The following TANGO6 variants were observed in gnomAD, a reference collection of about 807,000 sequenced individuals.
The protein encoded by TANGO6 is transport and golgi organization 6 homolog, also known as transport and Golgi organization protein 6 homolog.
A neutral mutation model predicts 114.2 loss-of-function variants in TANGO6; 90 were observed. That is an observed-to-expected ratio of 0.79 (90% CI 0.66 to 0.94). The LOEUF (loss-of-function observed/expected upper bound fraction) is 0.94. Among genes scored for constraint, TANGO6 ranks in the 40% least tolerant of loss-of-function variants. The probability of loss-of-function intolerance (pLI) is 0.00; values close to 1 mark genes in which losing one functional copy is unlikely to be tolerated. For synonymous variants in TANGO6, 477 were observed against 509.8 expected, an observed-to-expected ratio of 0.94 and a Z score of 0.87; for missense variants, 1,274 against 1,315.3, an observed-to-expected ratio of 0.97 and a Z score of 0.49.
chr16:69,063,386 G>A (rs1408038549), intron 17 of TANGO6, among the ~76,000 whole-genome samples: 1 of 151,992 alleles, frequency 6.6e-6, no homozygotes, highest in Non-Finnish European at 1.5e-5. Context: ...TTAGCCGGGC[G>A]TGATGGCAGG....
intron 16 of TANGO6, among the ~76,000 whole-genome samples, chr16:69,023,383 G>A (rs1328660041): frequency 6.6e-6 from 1 of 151,988 alleles, no homozygotes; most frequent in African/African-American, 2.4e-5. Flanking sequence ...TTGAACCCAG[G>A]AGGCATAGGT....
chr16:68,855,762 G>A (rs1240350958), intron 1 of TANGO6, among the ~76,000 whole-genome samples: 1 of 151,716 alleles, frequency 6.6e-6, no homozygotes, highest in African/African-American at 2.4e-5. Flanking sequence ...ACGGGTGCCT[G>A]TAATCCCAGC....
intron 11 of TANGO6, among the ~76,000 whole-genome samples, chr16:68,916,463 C>T (rs947309558): frequency 2.6e-5 from 4 of 151,924 alleles, no homozygotes; most frequent in East Asian, 1.9e-4. Flanking sequence ...CTCCCCCTCC[C>T]GCCCCTGCCA....
At chr16:68,894,028 A>G (rs1169312476) in intron 7 of TANGO6, among the ~76,000 whole-genome samples, 1 of 152,094 alleles carries the variant, frequency 6.6e-6, no homozygotes, top group Non-Finnish European at 1.5e-5. Flanking sequence ...CTCAGTCCAT[A>G]CTGTCACCAG....
chr16:69,078,167 C>CT (rs1960415311), intron 17 of TANGO6, among the ~76,000 whole-genome samples: 1 of 152,126 alleles, frequency 6.6e-6, no homozygotes. Flanking sequence ...TTGAGAGGAG[C>CT]TTTGTTCAGG....
At chr16:68,854,476 C>CA (rs1239861146) in intron 1 of TANGO6, among the ~76,000 whole-genome samples, 1 of 151,998 alleles carries the variant, frequency 6.6e-6, no homozygotes, top group South Asian at 2.1e-4. Flanking sequence ...CAAAATAAAA[C>CA]AAAAAACAAG....
intron 16 of TANGO6, among the ~76,000 whole-genome samples, chr16:69,028,269 A>G (rs1215967975): frequency 6.6e-6 from 1 of 151,944 alleles, no homozygotes; most frequent in Non-Finnish European, 1.5e-5. Flanking sequence ...CCCTCCAAAT[A>G]TTATTATTTT....
At chr16:69,048,914 C>G (rs8062856) in intron 17 of TANGO6, among the ~76,000 whole-genome samples, 1 of 151,768 alleles carries the variant, frequency 6.6e-6, no homozygotes, top group Non-Finnish European at 1.5e-5. Flanking sequence ...CTGAGGGAAG[C>G]TGATGAACAG....
chr16:69,051,900 A>G (rs986523949), intron 17 of TANGO6, among the ~76,000 whole-genome samples: 5 of 149,436 alleles, frequency 3.3e-5, no homozygotes, highest in Non-Finnish European at 7.4e-5. Flanking sequence ...GTATGCTTAT[A>G]CTGCTATTTC....
intron 3 of TANGO6, 50 bp downstream of exon 3, chr16:68,863,111 G>T: frequency 8.8e-7 from 1 of 1,138,044 alleles, no homozygotes; most frequent in Non-Finnish European, 1.2e-6. Context: ...GATAATGTGT[G>T]GTTTGCTGTC....
intron 17 of TANGO6, among the ~76,000 whole-genome samples, chr16:69,059,105 T>C (rs138826915): frequency 0.089 from 13,258 of 148,980 alleles, 660 homozygotes; most frequent in South Asian, 0.19. Flanking sequence ...GACGGAGTCT[T>C]GCTCTGTTGC....
intron 14 of TANGO6, among the ~76,000 whole-genome samples, chr16:68,958,221 A>C (rs1329462721): frequency 6.6e-6 from 1 of 151,394 alleles, no homozygotes; most frequent in Non-Finnish European, 1.5e-5. Flanking sequence ...AGCCGGGTGC[A>C]GTCACTCGCG....
In TANGO6 at chr16:69,067,499, C is replaced by G. The variant is rs1484850599; in HGVS notation, c.3109-15986C>G. 8.1e-5 allele frequency among the ~76,000 whole-genome samples: 9 copies of G among 110,530 alleles called. 1 individual carries two copies. The highest frequency in any genetic ancestry group is 1.5e-4 in the Non-Finnish European group (9 of 58,376). 72.5% of individuals were successfully genotyped at this position (110,530 alleles called of 152,430 possible). On this transcript the variant is annotated intron_variant, in intron 17 of 17. Transcript: ENST00000261778. ...CGCCACTGAACTCCAGCCTAGGCAA[C>G]AAGAGCAAAACTCCATCTCAAAAAA...
intron 17 of TANGO6, among the ~76,000 whole-genome samples, chr16:69,045,443 CAA>C (rs1389960740): frequency 1.3e-4 from 7 of 53,976 alleles, no homozygotes; most frequent in Non-Finnish European, 1.5e-4. Flanking sequence ...GACTCCATCT[CAA>C]AAAAAAAAAA....
intron 15 of TANGO6, among the ~76,000 whole-genome samples, chr16:68,983,253 C>T (rs1386022811): frequency 6.6e-6 from 1 of 152,176 alleles, no homozygotes; most frequent in East Asian, 1.9e-4. Flanking sequence ...CATAGTAACA[C>T]CCAAATACTC....
chr16:68,916,070 T>C (rs1962999724), intron 11 of TANGO6, among the ~76,000 whole-genome samples: 1 of 152,198 alleles, frequency 6.6e-6, no homozygotes, highest in Non-Finnish European at 1.5e-5. Flanking sequence ...GCTGACCAAA[T>C]TAATTCTATT....
chr16:69,063,802 CTTCTTCTTATTATTATTA>C (rs1836894579), intron 17 of TANGO6, among the ~76,000 whole-genome samples: 1 of 124,436 alleles, frequency 8.0e-6, no homozygotes, highest in African/African-American at 3.6e-5. Flanking sequence ...TCTTCTTCTT[CTTCTTCTTATTATTATTA>C]TTATTATTAT....
chr16:68,859,849 T>C (rs1000098307), intron 1 of TANGO6, 35 bp from the exon 2 acceptor site: 4 of 1,517,072 alleles, frequency 2.6e-6, no homozygotes, highest in Non-Finnish European at 3.5e-6. Flanking sequence ...TTGTTTTCTA[T>C]GTGTATAAAC....
intron 15 of TANGO6, among the ~76,000 whole-genome samples, chr16:69,004,398 C>G (rs1369694597): frequency 6.6e-6 from 1 of 151,758 alleles, no homozygotes; most frequent in Non-Finnish European, 1.5e-5. Context: ...CTCTGTCATC[C>G]AGGCTGGAGT....
Sources: gnomAD v4.1 joint callset for allele counts (sites outside exome capture counted in the v4.1 genomes callset) on GRCh38, gnomAD v4.1.1 for gene constraint, MANE v1.5 for transcripts, NCBI Gene and HGNC (gene_info 2026-07-23, HGNC 2026-07-21) for gene names.